CDC14A: variants seen among roughly 807,000 people sequenced by gnomAD.
CDC14A encodes cell division cycle 14A, also known as dual specificity protein phosphatase CDC14A.
In CDC14A, 53 loss-of-function variants were observed where a neutral mutation model predicts 74.4. The observed-to-expected ratio is 0.71, with a 90% CI of 0.57 to 0.89. CDC14A has a LOEUF of 0.89. Among genes scored for constraint, CDC14A ranks in the 40% least tolerant of loss-of-function variants. The probability of loss-of-function intolerance (pLI) is 0.00; values close to 1 mark genes in which losing one functional copy is unlikely to be tolerated. For missense variants in CDC14A, 646 were observed against 713.7 expected (o/e 0.91, Z 1.08); for synonymous variants, 247 against 258.4 (o/e 0.96, Z 0.43).
At chr1:100,442,370 TATAA>T (rs1456557898) in intron 6 of CDC14A, among the ~76,000 whole-genome samples, 1 of 146,200 alleles carries the variant, frequency 6.8e-6, no homozygotes, top group African/African-American at 2.5e-5. Flanking sequence ...ATATAGTATA[TATAA>T]ATATATACTA....
intron 6 of CDC14A, among the ~76,000 whole-genome samples, 156 bp from the exon 7 acceptor site, chr1:100,442,778 T>C (rs1665106361): frequency 6.6e-6 from 1 of 152,132 alleles, no homozygotes; most frequent in Admixed American, 6.5e-5. Flanking sequence ...ATATAACCAG[T>C]TTTATAAAAA....
rs374284145 is a variant in CDC14A at position 100,404,556 on chromosome 1, C to T, written c.309+13732C>T. ...TAAAACTAAATAGTGGGATGGCTGG[C>T]GTGGTGTCTCACGCCTGTAATCCCA... On this transcript the variant is annotated intron_variant, in intron 4 of 15. Coordinates refer to ENST00000336454, the MANE Select transcript of CDC14A (RefSeq NM_003672.4). Among the ~76,000 whole-genome samples the T allele has an allele frequency of 6.6e-5, 10 of 152,252 alleles. No homozygotes were observed. In the East Asian group the frequency reaches 1.4e-3, roughly 21 times the overall value.
At chr1:100,402,925 A>G (rs972693491) in intron 4 of CDC14A, among the ~76,000 whole-genome samples, 32 of 152,232 alleles carry the variant, frequency 2.1e-4, no homozygotes, top group Middle Eastern at 6.3e-3. Flanking sequence ...TTTCTTTTCC[A>G]GGTAGCTTCT....
intron 2 of CDC14A, among the ~76,000 whole-genome samples, chr1:100,358,631 G>A (rs1016540704): frequency 4.6e-5 from 7 of 152,306 alleles, no homozygotes; most frequent in Admixed American, 3.9e-4. Flanking sequence ...TTAAGAATGA[G>A]CAGCCTCTAA....
chr1:100,504,720 T>G, intron 15 of CDC14A: 1 of 896,778 alleles, frequency 1.1e-6, no homozygotes, highest in Non-Finnish European at 1.8e-6. Context: ...ACTTTCTTTG[T>G]TGAGCTTTCA....
At position 100,346,287 on chromosome 1, in the gene CDC14A, A is replaced by G. The variant is rs185176158; in HGVS notation, c.-126+1104A>G. Among the ~76,000 whole-genome samples, 10 of 152,342 alleles carry G rather than the reference A, an allele frequency of 6.6e-5. No individual in the cohort carries two copies. The East Asian group carries it at 1.9e-3, about 29-fold the overall frequency. Reference sequence around the variant, plus strand: ...TGGCTGGAGAAGAGTGGTGTGGGGAATATTATCTATTTTTGGAGTAAAAAT... The same window carrying G: ...TGGCTGGAGAAGAGTGGTGTGGGGAGTATTATCTATTTTTGGAGTAAAAAT... On this transcript the variant is annotated intron_variant, in intron 1 of 14. Coordinates refer to the CDC14A transcript ENST00000635056.
intron 2 of CDC14A, among the ~76,000 whole-genome samples, chr1:100,360,338 A>G (rs1261517594): frequency 1.4e-5 from 2 of 139,702 alleles, no homozygotes; most frequent in East Asian, 4.4e-4. Context: ...GTGTACATTC[A>G]TAGTTAGTTC....
chr1:100,369,719 T>C (rs1654171205), intron 2 of CDC14A, among the ~76,000 whole-genome samples: 2 of 152,212 alleles, frequency 1.3e-5, no homozygotes, highest in South Asian at 4.1e-4. Context: ...TCAGAAGCTC[T>C]TTAGTTTAAT....
At chr1:100,474,426 G>T (rs549044854) in intron 10 of CDC14A, among the ~76,000 whole-genome samples, 1 of 152,160 alleles carries the variant, frequency 6.6e-6, no homozygotes, top group South Asian at 2.1e-4. Flanking sequence ...AAAATGCTTG[G>T]TAGAATTCTC....
At chr1:100,363,377 C>A (rs369468315) in intron 2 of CDC14A, among the ~76,000 whole-genome samples, 1 of 152,128 alleles carries the variant, frequency 6.6e-6, no homozygotes, top group Non-Finnish European at 1.5e-5. Context: ...AAACCCTTAC[C>A]GAGGGCTCCC....
At chr1:100,357,832 CTT>C (rs1189161821) in intron 2 of CDC14A, among the ~76,000 whole-genome samples, 2 of 151,720 alleles carry the variant, frequency 1.3e-5, no homozygotes, top group East Asian at 1.9e-4. Context: ...GAAGTAGACT[CTT>C]TAAATATTAG....
At chr1:100,361,674 G>T (rs1652767634) in intron 2 of CDC14A, among the ~76,000 whole-genome samples, 1 of 152,216 alleles carries the variant, frequency 6.6e-6, no homozygotes, top group Non-Finnish European at 1.5e-5. Context: ...GGAATAGCAA[G>T]ATTCTGTTAG....
chr1:100,460,863 G>T (rs867136917), intron 8 of CDC14A, among the ~76,000 whole-genome samples: 1 of 152,196 alleles, frequency 6.6e-6, no homozygotes, highest in African/African-American at 2.4e-5. Context: ...CTGGCCAAGT[G>T]TACCAGTTAT....
intron 10 of CDC14A, among the ~76,000 whole-genome samples, chr1:100,481,442 T>C (rs188801602): frequency 6.6e-6 from 1 of 152,182 alleles, no homozygotes; most frequent in Non-Finnish European, 1.5e-5. Context: ...TGTTCTGGAC[T>C]CAGAACTAGG....
chr1:100,395,722 T>C (rs983606351), intron 4 of CDC14A, among the ~76,000 whole-genome samples: 4 of 152,234 alleles, frequency 2.6e-5, no homozygotes, highest in Non-Finnish European at 4.4e-5. Flanking sequence ...TCACTGATCT[T>C]GGCATAAAAT....
At position 100,355,134 on chromosome 1, in the gene CDC14A, A is replaced by T. The variant is rs183403135; in HGVS notation, c.140+1282A>T. On this transcript the variant is annotated intron_variant, in intron 2 of 15. Transcript: ENST00000336454. ...GATTACAGCTCTGCTTCTAGACAGGATGGAGTTATGTGCGGCTGTGTACCT... is the reference window on the plus strand; with the variant it reads ...GATTACAGCTCTGCTTCTAGACAGGTTGGAGTTATGTGCGGCTGTGTACCT... 2.6e-3 allele frequency among the ~76,000 whole-genome samples: 400 copies of T among 152,272 alleles called. 4 individuals are homozygous for T. Among genetic ancestry groups the T allele is most frequent in the African/African-American group, 9.3e-3 (386 of 41,546 alleles).
intron 4 of CDC14A, among the ~76,000 whole-genome samples, chr1:100,404,744 C>T (rs937647740): frequency 1.3e-5 from 2 of 151,986 alleles, no homozygotes; most frequent in Non-Finnish European, 2.9e-5. Flanking sequence ...GCAGGAGAAT[C>T]GCTTGAACCC....
intron 3 of CDC14A, among the ~76,000 whole-genome samples, chr1:100,379,198 G>T (rs1020334154): frequency 6.6e-6 from 1 of 152,204 alleles, no homozygotes; most frequent in African/African-American, 2.4e-5. Context: ...AGTTGCAGAA[G>T]AGTAGATGGG....
intron 9 of CDC14A, among the ~76,000 whole-genome samples, chr1:100,463,255 G>T (rs1200194573): frequency 6.6e-6 from 1 of 151,790 alleles, no homozygotes; most frequent in Non-Finnish European, 1.5e-5. Context: ...TTTCAGAATT[G>T]CCCATCTCTT....
Sources: gnomAD v4.1 joint callset for allele counts (sites outside exome capture counted in the v4.1 genomes callset) on GRCh38, gnomAD v4.1.1 for gene constraint, MANE v1.5 for transcripts, NCBI Gene and HGNC (gene_info 2026-07-23, HGNC 2026-07-21) for gene names.